The following CCDC85A variants were observed in gnomAD, a reference collection of about 807,000 sequenced individuals.
The protein encoded by CCDC85A is coiled-coil domain-containing protein 85A.
In CCDC85A, 38 loss-of-function variants were observed where a neutral mutation model predicts 50.2. The ratio of observed to expected loss-of-function variants is 0.76; its 90% CI spans 0.58 to 0.99. CCDC85A has a LOEUF of 0.99. Ranked by LOEUF, CCDC85A falls within the 50% of genes least tolerant of loss-of-function variation. The pLI is 0.00. For missense variants in CCDC85A, 820 were observed against 742.0 expected (o/e 1.11, Z -1.22); for synonymous variants, 366 against 301.4 (o/e 1.21, Z -2.22).
At chr2:56,321,994 C>G (rs1186730973) in intron 2 of CCDC85A, among the ~76,000 whole-genome samples, 1 of 152,148 alleles carries the variant, frequency 6.6e-6, no homozygotes, top group African/African-American at 2.4e-5. Context: ...TACCACACAT[C>G]TACAACCATC....
intron 1 of CCDC85A, among the ~76,000 whole-genome samples, chr2:56,185,183 C>A (rs1410460160): frequency 1.3e-5 from 2 of 152,182 alleles, no homozygotes; most frequent in Non-Finnish European, 2.9e-5. Flanking sequence ...GCACGCGAAC[C>A]TTTCATTTCT....
chr2:56,244,261 A>G (rs1669401676), intron 2 of CCDC85A, among the ~76,000 whole-genome samples: 1 of 152,006 alleles, frequency 6.6e-6, no homozygotes, highest in Non-Finnish European at 1.5e-5. Context: ...CTGCAGCTAA[A>G]CTGGCCCTGA....
chr2:56,207,389 C>T (rs577442176), intron 2 of CCDC85A, among the ~76,000 whole-genome samples: 3 of 152,282 alleles, frequency 2.0e-5, no homozygotes, highest in African/African-American at 7.2e-5. Context: ...GTTCCCATTT[C>T]TGCTTAAGCT....
chr2:56,218,409 A>G (rs1022621537), intron 2 of CCDC85A, among the ~76,000 whole-genome samples: 2 of 151,908 alleles, frequency 1.3e-5, no homozygotes, highest in African/African-American at 4.8e-5. Flanking sequence ...ATTCAAGAAG[A>G]TGAAAACACC....
At chr2:56,262,773 G>A (rs968475658) in intron 2 of CCDC85A, among the ~76,000 whole-genome samples, 1 of 152,202 alleles carries the variant, frequency 6.6e-6, no homozygotes, top group African/African-American at 2.4e-5. Flanking sequence ...TCACAGGGAA[G>A]TTCTTTGGAA....
intron 2 of CCDC85A, among the ~76,000 whole-genome samples, chr2:56,309,274 A>G (rs1672584657): frequency 6.6e-6 from 1 of 152,324 alleles, no homozygotes; most frequent in Admixed American, 6.5e-5. Flanking sequence ...TCTTGACATC[A>G]GACCTAGCTC....
At chr2:56,270,569 A>G (rs1053181966) in intron 2 of CCDC85A, among the ~76,000 whole-genome samples, 5 of 152,234 alleles carry the variant, frequency 3.3e-5, no homozygotes, top group African/African-American at 9.6e-5. Flanking sequence ...TTTCTATTTA[A>G]GTCAAGAACT....
At chr2:56,322,706 C>G (rs1339166579) in intron 2 of CCDC85A, among the ~76,000 whole-genome samples, 2 of 152,144 alleles carry the variant, frequency 1.3e-5, no homozygotes, top group African/African-American at 4.8e-5. Flanking sequence ...GGACTGTAAA[C>G]TAGTTCAACC....
At chr2:56,302,814 G>A (rs988496046) in intron 2 of CCDC85A, among the ~76,000 whole-genome samples, 1 of 152,110 alleles carries the variant, frequency 6.6e-6, no homozygotes, top group African/African-American at 2.4e-5. Context: ...TTCCGTCTCT[G>A]TAGCCAGTCT....
At chr2:56,245,867 T>C (rs770430011) in intron 2 of CCDC85A, among the ~76,000 whole-genome samples, 1 of 152,206 alleles carries the variant, frequency 6.6e-6, no homozygotes, top group Non-Finnish European at 1.5e-5. Flanking sequence ...CCAGACCAAA[T>C]GCCATCTCCT....
chr2:56,367,362 G>A (rs930740245), intron 3 of CCDC85A, among the ~76,000 whole-genome samples: 1 of 152,152 alleles, frequency 6.6e-6, no homozygotes, highest in Admixed American at 6.5e-5. Context: ...TTTGAGGGCT[G>A]AAGCTTAAGG....
intron 2 of CCDC85A, among the ~76,000 whole-genome samples, chr2:56,267,127 A>G (rs1670485458): frequency 6.6e-6 from 1 of 152,128 alleles, no homozygotes; most frequent in Non-Finnish European, 1.5e-5. Context: ...GATATTTCCA[A>G]CTGAGAAGTA....
At chr2:56,229,718 A>T (rs1482370071) in intron 2 of CCDC85A, among the ~76,000 whole-genome samples, 1 of 152,234 alleles carries the variant, frequency 6.6e-6, no homozygotes, top group South Asian at 2.1e-4. Context: ...AAACAGCCGG[A>T]TCTATATGTC....
At chr2:56,257,372 T>C (rs1001516921) in intron 2 of CCDC85A, among the ~76,000 whole-genome samples, 3 of 152,088 alleles carry the variant, frequency 2.0e-5, no homozygotes, top group African/African-American at 7.2e-5. Flanking sequence ...ATGAACAAGA[T>C]AGTATTTGAA....
At position 56,325,233 on chromosome 2, in the gene CCDC85A, C is replaced by T. The variant is rs1435858539; in HGVS notation, c.1241-17646C>T. ...CATGAATTTAAAATTTCCTTTTGGT[C>T]ATTATATGTATAATTATAGGCTATA... On this transcript the variant is annotated intron_variant, in intron 2 of 5. Coordinates refer to ENST00000407595, the MANE Select transcript of CCDC85A (RefSeq NM_001080433.2). 3.3e-5 allele frequency among the ~76,000 whole-genome samples: 5 copies of T among 152,090 alleles called. No individual in the cohort carries two copies. In the East Asian group the frequency reaches 7.7e-4, roughly 24 times the overall value.
At chr2:56,247,649 G>A (rs1669571690) in intron 2 of CCDC85A, among the ~76,000 whole-genome samples, 1 of 152,042 alleles carries the variant, frequency 6.6e-6, no homozygotes, top group Non-Finnish European at 1.5e-5. Flanking sequence ...TGGCTCCTTT[G>A]TGCTTTGATA....
chr2:56,210,638 A>T (rs1677143874), intron 2 of CCDC85A, among the ~76,000 whole-genome samples: 1 of 151,910 alleles, frequency 6.6e-6, no homozygotes, highest in Non-Finnish European at 1.5e-5. Context: ...CTGGGCTGGG[A>T]TGGCTTGGAG....
intron 2 of CCDC85A, among the ~76,000 whole-genome samples, chr2:56,273,637 C>T (rs546351327): frequency 6.6e-6 from 1 of 150,564 alleles, no homozygotes; most frequent in South Asian, 2.1e-4. Flanking sequence ...AGGATGTAAC[C>T]CAGCAAAATG....
At chr2:56,355,126 T>G (rs940818113) in intron 3 of CCDC85A, among the ~76,000 whole-genome samples, 1 of 152,210 alleles carries the variant, frequency 6.6e-6, no homozygotes, top group Non-Finnish European at 1.5e-5. Context: ...GGCTGTTGAC[T>G]GGCTGCCAGA....
Sources: gnomAD v4.1 joint callset for allele counts (sites outside exome capture counted in the v4.1 genomes callset) on GRCh38, gnomAD v4.1.1 for gene constraint, MANE v1.5 for transcripts, NCBI Gene and HGNC (gene_info 2026-07-23, HGNC 2026-07-21) for gene names.